PTPRJ: variants seen among roughly 807,000 people sequenced by gnomAD.
PTPRJ encodes receptor-type tyrosine-protein phosphatase eta.
Under a neutral mutation model 141.3 loss-of-function variants are expected in PTPRJ, and 129 were observed. The observed-to-expected ratio is 0.91, with a 90% CI of 0.79 to 1.06. The LOEUF (loss-of-function observed/expected upper bound fraction) is 1.06, where lower values mean the gene tolerates loss of function less well. Among genes scored for constraint, PTPRJ ranks in the 50% least tolerant of loss-of-function variants. The probability of loss-of-function intolerance (pLI) is 0.00; values close to 1 mark genes in which losing one functional copy is unlikely to be tolerated. For synonymous variants in PTPRJ, 610 were observed against 640.5 expected, an observed-to-expected ratio of 0.95 and a Z score of 0.72; for missense variants, 1,601 against 1,679.7, an observed-to-expected ratio of 0.95 and a Z score of 0.82.
chr11:48,003,458 C>T (rs1055794145), intron 1 of PTPRJ, among the ~76,000 whole-genome samples: 2 of 151,774 alleles, frequency 1.3e-5, no homozygotes, highest in African/African-American at 2.4e-5. Flanking sequence ...CGTCCCAGCA[C>T]TGGGTATTAT....
At position 48,017,696 on chromosome 11, in the gene PTPRJ, G is replaced by A. The variant is rs910938397; in HGVS notation, c.96+36688G>A. Among the ~76,000 whole-genome samples the A allele has an allele frequency of 3.9e-5, 6 of 152,192 alleles. No individual in the cohort carries two copies. The South Asian group carries it at 8.3e-4, about 21-fold the overall frequency. ...CTCTGCTCTTCTACCTGCATGCACC[G>A]TGTTTGTGGAAGTGCTCTGTGTAGG... On this transcript the variant is annotated intron_variant, in intron 1 of 24. Transcript: ENST00000418331.
At chr11:48,023,538 C>T (rs1487190113) in intron 1 of PTPRJ, among the ~76,000 whole-genome samples, 2 of 152,144 alleles carry the variant, frequency 1.3e-5, no homozygotes, top group Non-Finnish European at 2.9e-5. Context: ...AATCCCAGCA[C>T]TTTGGGAGGC....
At chr11:48,138,807 G>A (rs1565322914) in intron 10 of PTPRJ, among the ~76,000 whole-genome samples, 1 of 152,170 alleles carries the variant, frequency 6.6e-6, no homozygotes, top group Non-Finnish European at 1.5e-5. Flanking sequence ...CTGCAGATGG[G>A]ACAGTATAGG....
intron 1 of PTPRJ, among the ~76,000 whole-genome samples, chr11:48,085,953 G>A (rs1855694841): frequency 6.6e-6 from 1 of 152,124 alleles, no homozygotes; most frequent in Non-Finnish European, 1.5e-5. Flanking sequence ...TTAAAAACTG[G>A]CCCAGGGGTC....
rs904445503 is a variant in PTPRJ, at chr11:48,167,343, C to G, written c.3995C>G (p.Thr1332Ser). 5 of 1,613,986 alleles carry G rather than the reference C, an allele frequency of 3.1e-6. No individual in the cohort carries two copies. Among genetic ancestry groups the G allele is most frequent in the Non-Finnish European group, 4.2e-6 (5 of 1,179,976 alleles). ...GCGCCCGTGACCACATTTGGAAAGA[C>G]CAATGGTTACATCGCCTAATTCCAA... ...NLAPVTTFGK[T>S]NGYIA Residue 1332 changes from threonine to serine, a missense_variant, in exon 25 of 25, where the codon ACC becomes AGC. By Grantham distance (58) the Thr-to-Ser change is moderately conservative (BLOSUM62 1). Coordinates refer to ENST00000418331, the MANE Select transcript of PTPRJ (RefSeq NM_002843.4).
chr11:48,046,547 C>G (rs1157348544), intron 1 of PTPRJ, among the ~76,000 whole-genome samples: 1 of 152,120 alleles, frequency 6.6e-6, no homozygotes, highest in African/African-American at 2.4e-5. Flanking sequence ...CTGACAAGTT[C>G]TCTGTTCTCA....
chr11:47,981,171 G>T lies in PTPRJ; in HGVS notation c.96+163G>T, dbSNP rs1228012. On this transcript the variant is annotated intron_variant, in intron 1 of 24. Transcript: ENST00000418331. ...ACTTGCGGGGACCCCGGCCGGCCTC[G>T]CACGCCGGCGATCGATCCCTTTTCC... Among the ~76,000 whole-genome samples, 672 of 152,144 alleles carry T rather than the reference G, an allele frequency of 4.4e-3. 9 individuals carry two copies. The highest frequency in any genetic ancestry group is 0.016 in the African/African-American group (653 of 41,544).
intron 1 of PTPRJ, 135 bp downstream of exon 1, chr11:47,981,143 G>A: frequency 3.2e-6 from 3 of 935,346 alleles, no homozygotes; most frequent in Non-Finnish European, 1.4e-6. Context: ...TCCCCGGAAG[G>A]CGACTTGCGG....
intron 1 of PTPRJ, among the ~76,000 whole-genome samples, chr11:48,095,203 C>G (rs1030836679): frequency 6.6e-6 from 1 of 152,174 alleles, no homozygotes; most frequent in Non-Finnish European, 1.5e-5. Flanking sequence ...GTCTCAGCAG[C>G]GTGCCCTCAG....
intron 1 of PTPRJ, among the ~76,000 whole-genome samples, chr11:48,046,776 C>T (rs1208037203): frequency 6.6e-6 from 1 of 151,704 alleles, no homozygotes; most frequent in African/African-American, 2.4e-5. Context: ...TAAACTTAGG[C>T]TCAGAGAGGC....
At chr11:47,995,379 G>A (rs1430385573) in intron 1 of PTPRJ, among the ~76,000 whole-genome samples, 1 of 152,200 alleles carries the variant, frequency 6.6e-6, no homozygotes, top group Admixed American at 6.5e-5. Context: ...GAGGCACAGG[G>A]GAGCTGAATG....
intron 21 of PTPRJ, 67 bp from the exon 22 acceptor site, chr11:48,159,863 T>G: frequency 1.3e-6 from 2 of 1,582,710 alleles, no homozygotes; most frequent in Non-Finnish European, 1.7e-6. Context: ...CAGTCTCCCT[T>G]GTGAGGTTTT....
intron 1 of PTPRJ, among the ~76,000 whole-genome samples, chr11:48,066,087 A>G (rs1462205607): frequency 6.6e-6 from 1 of 152,194 alleles, no homozygotes; most frequent in African/African-American, 2.4e-5. Context: ...TTGAGACTGC[A>G]GTGAGCTCTA....
intron 1 of PTPRJ, among the ~76,000 whole-genome samples, chr11:48,045,420 A>G (rs899606329): frequency 6.6e-6 from 1 of 152,168 alleles, no homozygotes; most frequent in Admixed American, 6.5e-5. Context: ...TCAAGATTGA[A>G]GCTGCTTTGG....
intron 3 of PTPRJ, among the ~76,000 whole-genome samples, chr11:48,117,511 A>G (rs972234575): frequency 8.1e-6 from 1 of 122,720 alleles, no homozygotes; most frequent in African/African-American, 3.1e-5. Context: ...ACTGCACTCC[A>G]GCCTGGGCAA....
Position 48,159,816 on chromosome 11 carries a change from A to G in PTPRJ, c.3439-114A>G. The stretch of plus-strand genomic sequence containing the variant: ...AAGGGTCAAACAAAACCCAACTAGA[A>G]GGTCTGATTCCATCTCTGATGCCAG... On this transcript the variant is annotated intron_variant, in intron 21 of 24. Transcript: ENST00000418331. 5.2e-6 allele frequency: 7 copies of G among 1,340,088 alleles called. No homozygotes were observed. The South Asian group carries it at 9.3e-5, about 18-fold the overall frequency. 83.0% of individuals were successfully genotyped at this position (1,340,088 alleles called of 1,614,324 possible).
At chr11:48,156,354 T>G (rs1167307892) in intron 21 of PTPRJ, among the ~76,000 whole-genome samples, 1 of 152,134 alleles carries the variant, frequency 6.6e-6, no homozygotes, top group Non-Finnish European at 1.5e-5. Context: ...TGTCTTCTGT[T>G]TATTACGTTG....
intron 1 of PTPRJ, among the ~76,000 whole-genome samples, chr11:48,039,874 C>T (rs1390907761): frequency 3.3e-5 from 5 of 151,960 alleles, no homozygotes; most frequent in Admixed American, 6.6e-5. Context: ...CTGCAGCCTC[C>T]GCTTCCCGGG....
At chr11:48,087,165 A>C (rs60308370) in intron 1 of PTPRJ, among the ~76,000 whole-genome samples, 2,299 of 152,298 alleles carry the variant, frequency 0.015, 58 homozygotes, top group African/African-American at 0.053. Context: ...TTATGTCCTA[A>C]GATTAGTATG....
Sources: allele counts gnomAD v4.1 joint callset (sites outside exome capture counted in the v4.1 genomes callset), GRCh38; gene constraint gnomAD v4.1.1; transcripts MANE v1.5; gene names NCBI Gene and HGNC (gene_info 2026-07-23, HGNC 2026-07-21).